Variants in CNTNAP2 observed in about 807,000 individuals in gnomAD.
The protein encoded by CNTNAP2 is contactin associated protein 2, also known as contactin-associated protein-like 2.
Under a neutral mutation model 155.2 loss-of-function variants are expected in CNTNAP2, and 98 were observed. The ratio of observed to expected loss-of-function variants is 0.63; its 90% confidence interval spans 0.54 to 0.75. CNTNAP2 has a LOEUF of 0.75. Ranked by LOEUF, CNTNAP2 falls within the 30% of genes least tolerant of loss-of-function variation. The pLI, the probability that CNTNAP2 is intolerant of heterozygous loss-of-function variation, is 0.00. For synonymous variants in CNTNAP2, 651 were observed against 631.2 expected (o/e 1.03, Z -0.47); for missense variants, 1,727 against 1,688.1 (o/e 1.02, Z -0.40).
intron 4 of CNTNAP2, among the ~76,000 whole-genome samples, chr7:147,062,114 C>A (rs1380283315): frequency 1.0e-5 from 1 of 98,916 alleles, no homozygotes; most frequent in Non-Finnish European, 1.9e-5. Flanking sequence ...GGCGACAGAG[C>A]GAGACTCCGT....
intron 10 of CNTNAP2, among the ~76,000 whole-genome samples, chr7:147,469,012 G>T (rs1798167037): frequency 6.6e-6 from 1 of 151,914 alleles, no homozygotes; most frequent in African/African-American, 2.4e-5. Flanking sequence ...TAGTAGAGAT[G>T]GGGTTTCACC....
intron 21 of CNTNAP2, among the ~76,000 whole-genome samples, chr7:148,380,935 T>TGTGAATGAGGCAGGAACTGGAGTGC (rs1799043753): frequency 1.3e-5 from 2 of 151,976 alleles, no homozygotes. Flanking sequence ...GAAGCACGCA[T>TGTGAATGAGGCAGGAACTGGAGTGC]GTGAATGAGG....
At chr7:146,972,457 T>C (rs1046352005) in intron 3 of CNTNAP2, among the ~76,000 whole-genome samples, 4 of 152,212 alleles carry the variant, frequency 2.6e-5, no homozygotes, top group African/African-American at 9.7e-5. Flanking sequence ...GTATGTTATA[T>C]GTACAGAATG....
intron 8 of CNTNAP2, among the ~76,000 whole-genome samples, chr7:147,230,630 A>G (rs1418367525): frequency 6.6e-6 from 1 of 152,248 alleles, no homozygotes; most frequent in Non-Finnish European, 1.5e-5. Context: ...TATCACAATC[A>G]AAGTAATTAA....
intron 11 of CNTNAP2, among the ~76,000 whole-genome samples, chr7:147,519,946 C>T (rs546808541): frequency 3.9e-5 from 6 of 152,216 alleles, no homozygotes; most frequent in East Asian, 1.9e-4. Flanking sequence ...TTATGACCAC[C>T]CACGAATCAT....
chr7:146,290,098 A>C (rs1484260876), intron 1 of CNTNAP2, among the ~76,000 whole-genome samples: 1 of 152,190 alleles, frequency 6.6e-6, no homozygotes, highest in East Asian at 1.9e-4. Flanking sequence ...CCTAGGTTAC[A>C]TGTATGTATG....
At chr7:147,562,352 T>C in intron 12 of CNTNAP2, 95 bp downstream of exon 12, 1 of 1,462,866 alleles carries the variant, frequency 6.8e-7, no homozygotes, top group East Asian at 2.3e-5. Context: ...TGCTATGTTT[T>C]TATCACAACA....
At chr7:146,510,443 G>A (rs575465565) in intron 1 of CNTNAP2, among the ~76,000 whole-genome samples, 4 of 152,238 alleles carry the variant, frequency 2.6e-5, no homozygotes, top group South Asian at 4.1e-4. Context: ...TGCCAATTGT[G>A]CTCATGGTTG....
chr7:148,357,582 C>G (rs978356153), intron 21 of CNTNAP2, among the ~76,000 whole-genome samples: 1 of 152,202 alleles, frequency 6.6e-6, no homozygotes, highest in Non-Finnish European at 1.5e-5. Context: ...ATCCATAGCT[C>G]TCTCCTCTGG....
rs540801276 is a variant in CNTNAP2 at position 148,278,525 on chromosome 7, G to A, written c.3475+11399G>A. Among the ~76,000 whole-genome samples the A allele has an allele frequency of 1.9e-4, 27 of 144,462 alleles. No individual in the cohort carries two copies. In the East Asian group the frequency reaches 2.7e-3, roughly 14 times the overall value. The allele number at this position is 144,462 out of a possible 152,430, so 94.8% of individuals were successfully genotyped here. A position where few individuals can be genotyped will look rare whatever the true frequency, so the allele number is the denominator to read the frequency against. The stretch of plus-strand genomic sequence containing the variant: ...GTGGAGCTTGCAGTAAGCCGAGATC[G>A]CGCCACTGCACTCCAGCCTGGGCAA... On this transcript the variant is annotated intron_variant, in intron 21 of 23. Transcript: ENST00000361727.
intron 6 of CNTNAP2, 112 bp downstream of exon 6, chr7:147,121,275 C>A: frequency 1.9e-6 from 2 of 1,071,578 alleles, no homozygotes; most frequent in Non-Finnish European, 2.7e-6. Context: ...TTATTTTCTT[C>A]TCTAAACAAG....
At position 147,950,309 on chromosome 7, in the gene CNTNAP2, T is replaced by C. The variant is rs541291656; in HGVS notation, c.2256-27553T>C. On this transcript the variant is annotated intron_variant, in intron 14 of 23. Transcript: ENST00000361727. The stretch of plus-strand genomic sequence containing the variant: ...ATATGATGAATTGTCCTTATATCCT[T>C]AGTCCAGTGAGAACTGGCTTTTCCA... 3.0e-5 allele frequency among the ~76,000 whole-genome samples: 4 copies of C among 133,964 alleles called. No individual in the cohort carries two copies. In the South Asian group the frequency reaches 9.2e-4, roughly 31 times the overall value. The allele number at this position is 133,964 out of a possible 152,430, so 87.9% of individuals were successfully genotyped here.
intron 15 of CNTNAP2, among the ~76,000 whole-genome samples, chr7:148,012,543 G>A (rs904326197): frequency 2.0e-5 from 3 of 152,088 alleles, no homozygotes; most frequent in African/African-American, 7.3e-5. Context: ...TGTTAAGAGG[G>A]TAGATCTCAT....
chr7:146,921,493 A>G (rs1198329664), intron 3 of CNTNAP2, among the ~76,000 whole-genome samples: 3 of 152,078 alleles, frequency 2.0e-5, no homozygotes, highest in Non-Finnish European at 2.9e-5. Context: ...AATTTATTTT[A>G]AAATAGGGGT....
chr7:146,772,172 A>G (rs143751976), intron 1 of CNTNAP2, among the ~76,000 whole-genome samples: 49 of 152,150 alleles, frequency 3.2e-4, no homozygotes, highest in African/African-American at 1.2e-3. Context: ...ATGAGTAACA[A>G]CATAACATAT....
At chr7:147,038,305 CA>C (rs11345843) in intron 3 of CNTNAP2, among the ~76,000 whole-genome samples, 72,267 of 152,000 alleles carry the variant, frequency 0.48, 17,552 homozygotes, top group South Asian at 0.56. Context: ...CTCAAATGTC[CA>C]ATAACATCTT....
intron 14 of CNTNAP2, among the ~76,000 whole-genome samples, chr7:147,976,694 G>A (rs530761580): frequency 6.6e-6 from 1 of 152,262 alleles, no homozygotes; most frequent in Admixed American, 6.5e-5. Context: ...GAAGGTCAGA[G>A]GTACAAGTAA....
intron 1 of CNTNAP2, among the ~76,000 whole-genome samples, chr7:146,469,439 T>A (rs2129126293): frequency 6.6e-6 from 1 of 152,172 alleles, no homozygotes; most frequent in African/African-American, 2.4e-5. Flanking sequence ...TAACCATTTC[T>A]TTTGAAGCTC....
intron 1 of CNTNAP2, among the ~76,000 whole-genome samples, chr7:146,161,946 A>C (rs2116800486): frequency 6.6e-6 from 1 of 152,324 alleles, no homozygotes; most frequent in South Asian, 2.1e-4. Flanking sequence ...TGCTGGGAAA[A>C]CTGGCTAGCC....
Sources: gnomAD v4.1 joint callset for allele counts (sites outside exome capture counted in the v4.1 genomes callset) on GRCh38, gnomAD v4.1.1 for gene constraint, MANE v1.5 for transcripts, NCBI Gene and HGNC (gene_info 2026-07-23, HGNC 2026-07-21) for gene names.